Variants in UBAP1 observed in about 807,000 individuals in gnomAD.
The protein encoded by UBAP1 is ubiquitin-associated protein 1.
UBAP1 carries 5 observed loss-of-function variants against 39.0 expected under a neutral mutation model. That is an observed-to-expected ratio of 0.13 (90% CI 0.07 to 0.27). UBAP1 has a LOEUF of 0.27. UBAP1 is among the 10% of genes least tolerant of loss of function. The pLI is 1.00. For synonymous variants in UBAP1, 211 were observed against 225.1 expected, an observed-to-expected ratio of 0.94 and a Z score of 0.56; for missense variants, 490 against 608.1, an observed-to-expected ratio of 0.81 and a Z score of 2.04.
intron 1 of UBAP1, among the ~76,000 whole-genome samples, chr9:34,206,680 C>T (rs770906463): frequency 1.3e-5 from 2 of 151,854 alleles, no homozygotes. Context: ...TATTTTGGCT[C>T]GCTAGCTGTA....
At chr9:34,182,643 CTT>C (rs1418311766) in intron 1 of UBAP1, among the ~76,000 whole-genome samples, 84 of 91,884 alleles carry the variant, frequency 9.1e-4, no homozygotes, top group South Asian at 1.8e-3. Context: ...TTCTTTCTTT[CTT>C]TCTTTCTTTC....
intron 1 of UBAP1, among the ~76,000 whole-genome samples, chr9:34,184,447 C>T (rs910595177): frequency 8.6e-5 from 13 of 150,474 alleles, no homozygotes; most frequent in Admixed American, 4.0e-4. Context: ...CTGGCTAACA[C>T]GGTGAAACCC....
At chr9:34,180,017 G>GGT (rs1829925734) in intron 1 of UBAP1, among the ~76,000 whole-genome samples, 1 of 152,086 alleles carries the variant, frequency 6.6e-6, no homozygotes, top group Non-Finnish European at 1.5e-5. Flanking sequence ...AACCAGATTT[G>GGT]GTAATTTAGT....
At chr9:34,228,162 T>G (rs1833199933) in intron 2 of UBAP1, among the ~76,000 whole-genome samples, 1 of 151,600 alleles carries the variant, frequency 6.6e-6, no homozygotes, top group Non-Finnish European at 1.5e-5. Flanking sequence ...CTCACGCCTT[T>G]AATCCCAGCA....
chr9:34,203,883 A>G (rs1315883776), intron 1 of UBAP1, among the ~76,000 whole-genome samples: 1 of 152,222 alleles, frequency 6.6e-6, no homozygotes, highest in Non-Finnish European at 1.5e-5. Context: ...TCTGTGGGAA[A>G]AATCATTCAG....
At chr9:34,182,681 T>TTCTTTCTTTCTC (rs1491429494) in intron 1 of UBAP1, among the ~76,000 whole-genome samples, 22 of 115,486 alleles carry the variant, frequency 1.9e-4, no homozygotes, top group Non-Finnish European at 2.5e-4. Flanking sequence ...CTTTCTTTCT[T>TTCTTTCTTTCTC]TCTCTCTCTC....
chr9:34,202,200 CTG>C (rs760385798), intron 1 of UBAP1, among the ~76,000 whole-genome samples: 3 of 152,126 alleles, frequency 2.0e-5, no homozygotes, highest in Non-Finnish European at 4.4e-5. Flanking sequence ...CGCTTTCACT[CTG>C]TTGCCCAGCT....
At chr9:34,186,152 A>T (rs900342974) in intron 1 of UBAP1, among the ~76,000 whole-genome samples, 1 of 152,236 alleles carries the variant, frequency 6.6e-6, no homozygotes, top group Non-Finnish European at 1.5e-5. Context: ...TTGAAATAAT[A>T]GTGTAACTGG....
intron 2 of UBAP1, chr9:34,224,689 A>C: frequency 3.7e-6 from 1 of 272,434 alleles, no homozygotes; most frequent in Non-Finnish European, 7.1e-6. Flanking sequence ...CTATTTTTAG[A>C]TATCAGGTAG....
intron 1 of UBAP1, among the ~76,000 whole-genome samples, chr9:34,184,626 G>A (rs538121968): frequency 6.7e-5 from 6 of 89,170 alleles, no homozygotes; most frequent in East Asian, 1.3e-3. Context: ...GCGAGACTCC[G>A]TCTGAAAAAA....
intron 1 of UBAP1, among the ~76,000 whole-genome samples, chr9:34,188,678 C>T (rs954406026): frequency 1.3e-5 from 2 of 151,898 alleles, no homozygotes; most frequent in Non-Finnish European, 2.9e-5. Flanking sequence ...TGTCTTGGGC[C>T]GGGTGCGTTG....
intron 5 of UBAP1, 63 bp downstream of exon 5, chr9:34,250,024 C>G (rs1389087817): frequency 7.1e-6 from 11 of 1,556,914 alleles, no homozygotes; most frequent in East Asian, 2.2e-5. Context: ...GTGTCCTCCC[C>G]TGTCCTAGAG....
At position 34,183,711 on chromosome 9, in the gene UBAP1, CTT is replaced by C. The variant is rs369367696; in HGVS notation, c.-8+4474_-8+4475del. ...ACCAAAACAAATGAAAATCCATCCTCTTTTCCAGATTTCTAAGGAAGTAATAG... is the reference window on the plus strand; with the variant it reads ...ACCAAAACAAATGAAAATCCATCCTCTTCCAGATTTCTAAGGAAGTAATAG... On this transcript the variant is annotated intron_variant, in intron 1 of 6. Transcript: ENST00000297661. Among the ~76,000 whole-genome samples, 515 of 151,836 alleles carry C rather than the reference CTT, an allele frequency of 3.4e-3. 1 individual carries two copies. The Middle Eastern group carries it at 0.041, about 12-fold the overall frequency.
intron 1 of UBAP1, 109 bp from the exon 2 acceptor site, chr9:34,220,799 C>T: frequency 1.2e-6 from 1 of 860,374 alleles, no homozygotes; most frequent in South Asian, 1.6e-5. Context: ...CGTGAGGATT[C>T]TGTCAGCCCT....
Position 34,234,216 on chromosome 9 carries a change from G to C in UBAP1, c.35G>C (p.Gly12Ala), listed in dbSNP as rs767321486. The C allele has an allele frequency of 6.3e-7, 1 of 1,591,878 alleles. No individual in the cohort carries two copies. The highest frequency in any genetic ancestry group is 8.5e-7 in the Non-Finnish European group (1 of 1,174,516). The change falls in exon 3 of 7, where the codon GGG becomes GCG. Residue 12 changes from glycine to alanine, a missense_variant and splice_region_variant. Around this residue, in one of 3 missense-constraint regions of UBAP1, gnomAD observed 144 missense variants for 184.4 expected, o/e 0.78. Transcript: ENST00000297661. ...TTTTCTACTTTATTTTTGATTATAG[G>C]GACTTTCAGTTACCTTGATGATGTC... is the stretch of plus-strand genomic sequence containing the variant. ...ASKKLGADFH[G>A]TFSYLDDVPF... is the part of the protein sequence containing the mutation.
At chr9:34,205,639 AG>A (rs1178605036) in intron 1 of UBAP1, among the ~76,000 whole-genome samples, 1 of 152,190 alleles carries the variant, frequency 6.6e-6, no homozygotes, top group African/African-American at 2.4e-5. Flanking sequence ...ACCAGAGCTA[AG>A]GGAAATCTTT....
chr9:34,241,728 A>G lies in UBAP1; in HGVS notation c.703A>G (p.Ile235Val), dbSNP rs1833964448. 6.2e-7 allele frequency: 1 copy of G among 1,614,080 alleles called. No individual in the cohort carries two copies. The highest frequency in any genetic ancestry group is 1.7e-5 in the Admixed American group (1 of 60,002). ...GCCTCTTCATAAACCCAATGGCTTT[A>G]TAACCTTACCACAGTTGGGCAACTG... ...FKPLHKPNGF[I>V]TLPQLGNCEK... is the part of the protein sequence containing the mutation. Residue 235 changes from isoleucine to valine, a missense_variant, in exon 4 of 7, where the codon ATA (isoleucine) becomes GTA (valine). Physicochemically the swap from Ile to Val is conservative, Grantham distance 29 (BLOSUM62 3). Transcript: ENST00000297661.
In UBAP1 at chr9:34,196,898, TTGTGTGTGTGTGTGTG is replaced by T. The variant is rs777008697; in HGVS notation, c.-8+17682_-8+17697del. Among the ~76,000 whole-genome samples, 1,271 of 141,430 alleles carry T rather than the reference TTGTGTGTGTGTGTGTG, an allele frequency of 9.0e-3. 19 individuals are homozygous for T. Among genetic ancestry groups the T allele is most frequent in the South Asian group, 0.03 (130 of 4,336 alleles). The allele number at this position is 141,430 out of a possible 152,430, so 92.8% of individuals were successfully genotyped here. A position where few individuals can be genotyped will look rare whatever the true frequency, so the allele number is the denominator to read the frequency against. On this transcript the variant is annotated intron_variant, in intron 1 of 6. Transcript: ENST00000297661. ...TGTATTGTCTTTCTAATATTGTTAT[TTGTGTGTGTGTGTGTG>T]TGTGTGTGTGTGTGTGTGTGTGTTT...
At chr9:34,181,755 G>T (rs1186490986) in intron 1 of UBAP1, among the ~76,000 whole-genome samples, 1 of 146,674 alleles carries the variant, frequency 6.8e-6, no homozygotes. Context: ...TTTTAATGAA[G>T]GCAAAGGAAA....
Sources: allele counts gnomAD v4.1 joint callset (sites outside exome capture counted in the v4.1 genomes callset), GRCh38; gene constraint gnomAD v4.1.1; regional missense constraint gnomAD v4.1.1; transcripts MANE v1.5; gene names NCBI Gene and HGNC (gene_info 2026-07-23, HGNC 2026-07-21).